TELO2: variants seen among roughly 807,000 people sequenced by gnomAD.
TELO2 encodes telomere maintenance 2.
A neutral mutation model predicts 91.0 loss-of-function variants in TELO2; 71 were observed. That is an observed-to-expected ratio of 0.78 (90% CI 0.64 to 0.95). The LOEUF is 0.95. Among genes scored for constraint, TELO2 ranks in the 40% least tolerant of loss-of-function variants. TELO2 has a pLI of 0.00. For synonymous variants in TELO2, 584 were observed against 518.9 expected (o/e 1.13, Z -1.71); for missense variants, 1,183 against 1,141.3 (o/e 1.04, Z -0.53).
At position 1,509,925 on chromosome 16, in the gene TELO2, G is replaced by T; in HGVS notation, c.2503G>T (p.Ala835Ser). Residue 835 changes from alanine to serine, a missense_variant, in exon 21 of 21, where the codon GCG becomes TCG. Coordinates refer to ENST00000262319, the MANE Select transcript of TELO2 (RefSeq NM_016111.4). Reference protein sequence around the residue: ...QRLKNRLLPPASP With the variant: ...QRLKNRLLPPSSP ...ACTCAAGAACAGGCTCCTCCCACCCGCGTCTCCCTAGTCCCTGGAGGCCTC... is the reference window on the plus strand; with the variant it reads ...ACTCAAGAACAGGCTCCTCCCACCCTCGTCTCCCTAGTCCCTGGAGGCCTC... The T allele has an allele frequency of 1.3e-6, 2 of 1,597,772 alleles. No homozygotes were observed. The highest frequency in any genetic ancestry group is 2.3e-5 in the South Asian group (2 of 88,268).
At chr16:1,495,306 T>C (rs1229552252) in intron 2 of TELO2, 40 bp from the exon 3 acceptor site, 4 of 1,502,086 alleles carry the variant, frequency 2.7e-6, no homozygotes, top group Non-Finnish European at 3.6e-6. Context: ...GCCCCGAGGA[T>C]GGGGGTTGGC....
At chr16:1,506,103 G>A (rs904300980) in intron 16 of TELO2, 135 bp from the exon 17 acceptor site, 117 of 932,570 alleles carry the variant, frequency 1.3e-4, no homozygotes, top group Non-Finnish European at 1.7e-4. Flanking sequence ...GGAGCTGGGC[G>A]GGGCCGGAAG....
chr16:1,505,667 A>G lies in TELO2; in HGVS notation c.2034+66A>G. ...GTGGGTGGGTGGGAAGGGCGGTCAG[A>G]CACCTCCAGGCGCTGTCTGCAGCGA... is the stretch of plus-strand genomic sequence containing the variant. On this transcript the variant is annotated intron_variant, in intron 16 of 20. Transcript: ENST00000262319. This position sits in a 1 kb window ranked among gnomAD's most constrained non-coding sequence, Gnocchi z 4.3. 1 of 1,534,548 alleles carries G rather than the reference A, an allele frequency of 6.5e-7. No homozygotes were observed.
At chr16:1,496,490 G>A (rs2039497499) in intron 3 of TELO2, among the ~76,000 whole-genome samples, 1 of 152,260 alleles carries the variant, frequency 6.6e-6, no homozygotes, top group South Asian at 2.1e-4. Flanking sequence ...GACACATGTG[G>A]AATGCGGCTT....
chr16:1,505,303 G>A lies in TELO2; in HGVS notation c.1843-107G>A. The A allele has an allele frequency of 7.5e-7, 1 of 1,336,940 alleles. No individual in the cohort carries two copies. The highest frequency in any genetic ancestry group is 1.0e-6 in the Non-Finnish European group (1 of 985,524). The allele number at this position is 1,336,940 out of a possible 1,614,324, so 82.8% of individuals were successfully genotyped here. A position where few individuals can be genotyped will look rare whatever the true frequency, so the allele number is the denominator to read the frequency against. On this transcript the variant is annotated intron_variant, in intron 15 of 20. Coordinates refer to ENST00000262319, the MANE Select transcript of TELO2 (RefSeq NM_016111.4). The surrounding 1 kb of genome is among the most constrained non-coding windows in gnomAD (Gnocchi z 4.3). ...TGTTCCCAGAACACACCTTCTCCCA[G>A]GCTGGGCGGGCCCCCGGGCCCGTTT...
intron 13 of TELO2, 62 bp from the exon 14 acceptor site, chr16:1,502,583 C>T (rs781589613): frequency 2.8e-5 from 44 of 1,573,742 alleles, no homozygotes; most frequent in Admixed American, 2.1e-4. Context: ...CTGTGAGCCT[C>T]GGTGAGGCCT....
chr16:1,501,914 C>T (rs1349517117), intron 11 of TELO2, 133 bp from the exon 12 acceptor site: 3 of 1,456,398 alleles, frequency 2.1e-6, no homozygotes, highest in Non-Finnish European at 2.9e-6. Context: ...GCCCGCAGCT[C>T]CCAGCTCCAC....
At chr16:1,495,325 C>T in intron 2 of TELO2, 21 bp from the exon 3 acceptor site, 1 of 1,522,666 alleles carries the variant, frequency 6.6e-7, no homozygotes, top group South Asian at 1.2e-5. Context: ...GCGGCTCTGC[C>T]CAACACGCCC....
intron 9 of TELO2, among the ~76,000 whole-genome samples, chr16:1,501,038 G>C (rs751759694): frequency 6.6e-6 from 1 of 152,204 alleles, no homozygotes. Context: ...GCTCTGGGTC[G>C]GTGGCCGTGG....
At chr16:1,506,782 G>C (rs561738392) in intron 17 of TELO2, 170 bp from the exon 18 acceptor site, 1,190 of 1,415,528 alleles carry the variant, frequency 8.4e-4, no homozygotes, top group Non-Finnish European at 1.0e-3. Context: ...AGCCCTGCAG[G>C]GGGAGTAGGC....
chr16:1,503,405 G>C (rs1198742114), intron 15 of TELO2, among the ~76,000 whole-genome samples: 1 of 152,126 alleles, frequency 6.6e-6, no homozygotes, highest in Non-Finnish European at 1.5e-5. Context: ...ATCTTTATTA[G>C]CCAAGTGTGG....
intron 15 of TELO2, among the ~76,000 whole-genome samples, chr16:1,503,656 G>A (rs1266557433): frequency 1.3e-5 from 2 of 152,172 alleles, no homozygotes; most frequent in East Asian, 3.8e-4. Flanking sequence ...TAAGCGAGCC[G>A]TCCGGAGGAG....
rs1408776416 is a variant in TELO2 at position 1,502,416 on chromosome 16, G to T, written c.1653+12G>T. 1.3e-6 allele frequency: 2 copies of T among 1,582,920 alleles called. No individual in the cohort carries two copies. Among genetic ancestry groups the T allele is most frequent in the Non-Finnish European group, 8.6e-7 (1 of 1,166,374 alleles). On this transcript the variant is annotated intron_variant, in intron 13 of 20. Transcript: ENST00000262319. ...CAGCCACTCGGGAGGTGAGTGGGGG[G>T]CGGGAGTGGGTGGGGAGGCCCAAGA...
chr16:1,495,723 C>T, intron 3 of TELO2, 100 bp downstream of exon 3: 1 of 1,462,702 alleles, frequency 6.8e-7, no homozygotes, highest in South Asian at 1.4e-5. Flanking sequence ...ACTTTGGAGT[C>T]TCTGGTTGAT....
intron 20 of TELO2, among the ~76,000 whole-genome samples, chr16:1,507,947 C>T (rs1194830124): frequency 7.2e-6 from 1 of 139,422 alleles, no homozygotes; most frequent in Non-Finnish European, 1.6e-5. Context: ...TGTTGCAGCT[C>T]CTGCAGGCCA....
chr16:1,499,371 C>G (rs755123206), intron 6 of TELO2, 38 bp downstream of exon 6: 1 of 1,603,244 alleles, frequency 6.2e-7, no homozygotes, highest in Non-Finnish European at 8.5e-7. Context: ...GCTGGCTGCC[C>G]CATCACAGCA....
intron 11 of TELO2, 79 bp downstream of exon 11, chr16:1,501,852 T>TG (rs2039697705): frequency 2.0e-6 from 3 of 1,498,458 alleles, no homozygotes; most frequent in Admixed American, 1.9e-5. Context: ...TGCGGCCCCG[T>TG]GGGGGGCTCC....
chr16:1,507,721 G>C lies in TELO2; in HGVS notation c.2407+5G>C, dbSNP rs1257784324. 2 of 1,599,336 alleles carry C rather than the reference G, an allele frequency of 1.3e-6. No homozygotes were observed. The highest frequency in any genetic ancestry group is 1.7e-5 in the Admixed American group (1 of 59,270). On this transcript the variant is annotated splice_donor_5th_base_variant and intron_variant, in intron 20 of 20. Coordinates refer to ENST00000262319, the MANE Select transcript of TELO2 (RefSeq NM_016111.4). ...AAGCCCGGTCCTGGCTGGCGGGTGA[G>C]TGTCGGCCTGCGGTGTGTGTGTGAG...
At chr16:1,496,942 G>T in intron 3 of TELO2, 94 bp from the exon 4 acceptor site, 1 of 1,285,162 alleles carries the variant, frequency 7.8e-7, no homozygotes, top group Non-Finnish European at 1.1e-6. Context: ...CTGTCGGTTG[G>T]AGTCCGCCTG....
Sources: gnomAD v4.1 joint callset for allele counts (sites outside exome capture counted in the v4.1 genomes callset) on GRCh38, gnomAD v4.1.1 for gene constraint, Gnocchi (gnomAD v3.1) non-coding constraint, MANE v1.5 for transcripts, NCBI Gene and HGNC (gene_info 2026-07-23, HGNC 2026-07-21) for gene names.